SCN4A: variants seen among roughly 807,000 people sequenced by gnomAD.
SCN4A encodes the protein sodium channel protein type 4 subunit alpha.
In SCN4A, 83 loss-of-function variants were observed where a neutral mutation model predicts 162.0. That is an observed-to-expected ratio of 0.51 (90% CI 0.43 to 0.61). The LOEUF (loss-of-function observed/expected upper bound fraction) is 0.61, where lower values mean the gene tolerates loss of function less well. Among genes scored for constraint, SCN4A ranks in the 20% least tolerant of loss-of-function variants. SCN4A has a pLI of 0.00. For missense variants in SCN4A, 2,196 were observed against 2,462.5 expected, an observed-to-expected ratio of 0.89 and a Z score of 2.29; for synonymous variants, 944 against 985.1, an observed-to-expected ratio of 0.96 and a Z score of 0.78.
intron 15 of SCN4A, 53 bp from the exon 16 acceptor site, chr17:63,948,818 G>A: frequency 6.6e-7 from 1 of 1,510,292 alleles, no homozygotes; most frequent in Non-Finnish European, 8.9e-7. Flanking sequence ...GCCTGGGGTT[G>A]CCTTGGGGTG....
rs891299605 is a variant in SCN4A at position 63,950,621 on chromosome 17, T to C, written c.2853+803A>G. Reference sequence around the variant, plus strand: ...CAAAAGCTTTCAGGGCAAAGTTCATTAGGCTCAGGCTGATGGTGCAGGGGT... The same window carrying C: ...CAAAAGCTTTCAGGGCAAAGTTCATCAGGCTCAGGCTGATGGTGCAGGGGT... On this transcript the variant is annotated intron_variant, in intron 14 of 23. Transcript: ENST00000435607. The surrounding 1 kb of genome is among the most constrained non-coding windows in gnomAD (Gnocchi z 4.6). Among the ~76,000 whole-genome samples, 2 of 152,180 alleles carry C rather than the reference T, an allele frequency of 1.3e-5. No homozygotes were observed. Among genetic ancestry groups the C allele is most frequent in the African/African-American group, 4.8e-5 (2 of 41,442 alleles).
chr17:63,950,487 C>T lies in SCN4A; in HGVS notation c.2853+937G>A, dbSNP rs1013299730. 1.3e-5 allele frequency among the ~76,000 whole-genome samples: 2 copies of T among 152,218 alleles called. No homozygotes were observed. Among genetic ancestry groups the T allele is most frequent in the Non-Finnish European group, 2.9e-5 (2 of 68,030 alleles). On this transcript the variant is annotated intron_variant, in intron 14 of 23. Transcript: ENST00000435607. This position sits in a 1 kb window ranked among gnomAD's most constrained non-coding sequence, Gnocchi z 4.6. ...GGACTTTGGTGCTCTCCAGCTCCCC[C>T]GCCACCTGAGTGCCTCATACCGAGG...
chr17:63,959,076 A>G (rs1326941066), intron 12 of SCN4A, among the ~76,000 whole-genome samples, 189 bp downstream of exon 12: 1 of 152,158 alleles, frequency 6.6e-6, no homozygotes, highest in Non-Finnish European at 1.5e-5. Flanking sequence ...GAAAGAAGAC[A>G]GGGCTCTCCT....
chr17:63,968,129 CTCATTGCCATACCATGTG>C lies in SCN4A; in HGVS notation c.912_929del (p.Asp304_Asn309del), dbSNP rs1597985318. 6.2e-6 allele frequency: 10 copies of C among 1,613,854 alleles called. No homozygotes were observed. The highest frequency in any genetic ancestry group is 8.5e-6 in the Non-Finnish European group (10 of 1,179,852). Reference sequence around the variant, plus strand: ...ACCATGAGTCATTGCCGTACCACATCTCATTGCCATACCATGTGTCATTGCCGTACCACGTGTCATTGC... The same window carrying C: ...ACCATGAGTCATTGCCGTACCACATCTCATTGCCGTACCACGTGTCATTGC... On this transcript the variant is annotated inframe_deletion, in exon 6 of 24. Transcript: ENST00000435607.
At chr17:63,947,009 T>TACCC in intron 18 of SCN4A, 36 bp downstream of exon 18, 138 of 715,902 alleles carry the variant, frequency 1.9e-4, no homozygotes, top group East Asian at 2.9e-4. Flanking sequence ...CGGTCCCCCA[T>TACCC]CCCCAGCCCA....
chr17:63,972,236 G>A lies in SCN4A; in HGVS notation c.393-11C>T. 6.2e-7 allele frequency: 1 copy of A among 1,611,842 alleles called. No individual in the cohort carries two copies. The highest frequency in any genetic ancestry group is 1.1e-5 in the South Asian group (1 of 90,736). On this transcript the variant is annotated splice_polypyrimidine_tract_variant and intron_variant, in intron 2 of 23. Transcript: ENST00000435607. This position sits in a 1 kb window ranked among gnomAD's most constrained non-coding sequence, Gnocchi z 4.3. ...AACATGCTGAACAGCGTGGGGCAGG[G>A]TCAAGGAAAGTGAGGAAGCAGCTAG...
Position 63,945,539 on chromosome 17 carries a change from G to T in SCN4A, c.3541C>A (p.Leu1181Met), listed in dbSNP as rs754132016. Residue 1181 changes from leucine to methionine, a missense_variant, in exon 19 of 24, where the codon CTG becomes ATG. Leu to Met is a conservative substitution (Grantham distance 15). Coordinates refer to ENST00000435607, the MANE Select transcript of SCN4A (RefSeq NM_000334.4). This position sits in a 1 kb window ranked among gnomAD's most constrained non-coding sequence, Gnocchi z 4.4. ...WLIFSIMGVN[L>M]FAGKFYYCIN... The stretch of plus-strand genomic sequence containing the variant: ...CAGTAGTAGAACTTGCCGGCAAACA[G>T]GTTGACACCCATGATGCTGAAGATC... 1.9e-6 allele frequency: 3 copies of T among 1,613,996 alleles called. No individual in the cohort carries two copies. The South Asian group carries it at 3.3e-5, about 18-fold the overall frequency.
chr17:63,949,462 C>G lies in SCN4A; in HGVS notation c.2920G>C (p.Glu974Gln). The change falls in exon 15 of 24, where the codon GAG becomes CAG. Residue 974 changes from glutamate to glutamine, a missense_variant. Coordinates refer to ENST00000435607, the MANE Select transcript of SCN4A (RefSeq NM_000334.4). ...TCTGCCTGCTCCTCAGGGTCCTCCT[C>G]GGGGGGCTTGTAGTCAGCTGTGCTG... ...VCSTADYKPPEEDPEEQAEEN... is the reference protein window; with the variant it reads ...VCSTADYKPPQEDPEEQAEEN... 1 of 1,611,202 alleles carries G rather than the reference C, an allele frequency of 6.2e-7. No homozygotes were observed. Among genetic ancestry groups the G allele is most frequent in the Non-Finnish European group, 8.5e-7 (1 of 1,178,642 alleles).
Position 63,941,749 on chromosome 17 carries a change from C to G in SCN4A, c.4533G>C (p.Ser1511=), listed in dbSNP as rs775872192. The part of the protein sequence containing the change: ...MSNFAYVKKE[S]GIDDMFNFET... ...CGAAGTTGAACATATCATCGATGCC[C>G]GACTCCTTCTTGACGTAGGCAAAGT... The change falls in exon 24 of 24, where the codon TCG becomes TCC. Residue 1511 remains serine, a synonymous_variant. Coordinates refer to ENST00000435607, the MANE Select transcript of SCN4A (RefSeq NM_000334.4). The surrounding 1 kb of genome is among the most constrained non-coding windows in gnomAD (Gnocchi z 6.2). The G allele has an allele frequency of 6.2e-7, 1 of 1,614,038 alleles. No individual in the cohort carries two copies. Among genetic ancestry groups the G allele is most frequent in the Admixed American group, 1.7e-5 (1 of 60,000 alleles).
At position 63,957,119 on chromosome 17, in the gene SCN4A, C is replaced by T. The variant is rs60037396; in HGVS notation, c.2376+43G>A. The T allele has an allele frequency of 0.029, 38,827 of 1,351,470 alleles. 2,198 individuals are homozygous for T. Among genetic ancestry groups the T allele is most frequent in the African/African-American group, 0.23 (16,008 of 69,206 alleles). 83.7% of individuals were successfully genotyped at this position (1,351,470 alleles called of 1,614,324 possible). A position where few individuals can be genotyped will look rare whatever the true frequency, so the allele number is the denominator to read the frequency against. ...TCAAATATCAGGTACATCTTGTACG[C>T]TTCCCGGGTGAGGGCAGGGGCCACC... On this transcript the variant is annotated intron_variant, in intron 13 of 23. Transcript: ENST00000435607.
At position 63,952,349 on chromosome 17, in the gene SCN4A, G is replaced by T. The variant is rs1016103726; in HGVS notation, c.2377-449C>A. ...TAATCTTTGTATTTTTTGTAGAGACGGGGTTTCAACATGTTGCCCAGGCTG... is the reference window on the plus strand; with the variant it reads ...TAATCTTTGTATTTTTTGTAGAGACTGGGTTTCAACATGTTGCCCAGGCTG... On this transcript the variant is annotated intron_variant, in intron 13 of 23. Coordinates refer to ENST00000435607, the MANE Select transcript of SCN4A (RefSeq NM_000334.4). Among the ~76,000 whole-genome samples, 3 of 151,936 alleles carry T rather than the reference G, an allele frequency of 2.0e-5. No individual in the cohort carries two copies. In the East Asian group the frequency reaches 5.8e-4, roughly 29 times the overall value.
In SCN4A at chr17:63,949,681, T is replaced by C. The variant is rs114603084; in HGVS notation, c.2854-153A>G. The C allele has an allele frequency of 6.2e-3, 5,519 of 890,250 alleles. 205 individuals are homozygous for C. The African/African-American group carries it at 0.08, about 13-fold the overall frequency. The allele number at this position is 890,250 out of a possible 1,614,324, so 55.1% of individuals were successfully genotyped here. ...CATTCATTCATCCAGCCCTGGATGG[T>C]CGAGGAACCACGGGGACGTAGGTGG... is the stretch of plus-strand genomic sequence containing the variant. On this transcript the variant is annotated intron_variant, in intron 14 of 23. Coordinates refer to ENST00000435607, the MANE Select transcript of SCN4A (RefSeq NM_000334.4).
In SCN4A at chr17:63,939,369, C is replaced by A. The variant is rs1908447820; in HGVS notation, c.*1402G>T. The A allele has an allele frequency of 1.3e-5, 2 of 152,212 alleles. No individual in the cohort carries two copies. The highest frequency in any genetic ancestry group is 4.1e-4 in the South Asian group (2 of 4,838). The allele number at this position is 152,212 out of a possible 1,614,324, so 9.4% of individuals were successfully genotyped here. On this transcript the variant is annotated 3_prime_UTR_variant, in exon 24 of 24. Coordinates refer to ENST00000435607, the MANE Select transcript of SCN4A (RefSeq NM_000334.4). ...ATGGACCTTGAAACAGTCCAGGGCA[C>A]ACATATATACACATATATACAAAGA...
rs774183791 is a variant in SCN4A, at chr17:63,941,333, G to A, written c.4949C>T (p.Pro1650Leu). Residue 1650 changes from proline (P) to leucine (L), a missense_variant, in exon 24 of 24, where the codon CCG becomes CTG. By Grantham distance (98) the Pro-to-Leu change is moderately conservative. Coordinates refer to ENST00000435607, the MANE Select transcript of SCN4A (RefSeq NM_000334.4). This position sits in a 1 kb window ranked among gnomAD's most constrained non-coding sequence, Gnocchi z 6.2. Reference protein sequence around the residue: ...LSDFVDTLQEPLRIAKPNKIK... With the variant: ...LSDFVDTLQELLRIAKPNKIK... The stretch of plus-strand genomic sequence containing the variant: ...CTTGTTGGGCTTGGCAATCCTCAGC[G>A]GTTCCTGCAGGGTGTCCACGAAGTC... 13 of 1,613,774 alleles carry A rather than the reference G, an allele frequency of 8.1e-6. No individual in the cohort carries two copies. The highest frequency in any genetic ancestry group is 6.7e-5 in the Admixed American group (4 of 59,994).
intron 23 of SCN4A, among the ~76,000 whole-genome samples, chr17:63,942,471 A>AG (rs1413803684): frequency 3.3e-5 from 5 of 152,236 alleles, no homozygotes; most frequent in Admixed American, 2.0e-4. Flanking sequence ...AGCGCACAGC[A>AG]CAGTTGATAA....
intron 17 of SCN4A, among the ~76,000 whole-genome samples, 177 bp downstream of exon 17, chr17:63,947,713 T>C (rs1908769879): frequency 6.6e-6 from 1 of 152,178 alleles, no homozygotes; most frequent in African/African-American, 2.4e-5. Flanking sequence ...AGGGAAGGCC[T>C]CCCAGTCCCT....
chr17:63,966,238 C>A lies in SCN4A; in HGVS notation c.1106G>T (p.Cys369Phe). The A allele has an allele frequency of 6.2e-7, 1 of 1,604,082 alleles. No homozygotes were observed. The highest frequency in any genetic ancestry group is 1.1e-5 in the South Asian group (1 of 88,848). Residue 369 changes from cysteine (C) to phenylalanine (F), a missense_variant, in exon 8 of 24, where the codon TGC (cysteine) becomes TTC (phenylalanine). Physicochemically the swap from Cys to Phe is radical, Grantham distance 205 (BLOSUM62 -2). Coordinates refer to ENST00000435607, the MANE Select transcript of SCN4A (RefSeq NM_000334.4). The stretch of plus-strand genomic sequence containing the variant: ...CTTGATGCACTCATAACCCTCAGGG[C>A]AGTGCCTAGGAATAGGACAGGGGGC... ...LCGNSSDAGH[C>F]PEGYECIKTG...
At position 63,941,090 on chromosome 17, in the gene SCN4A, G is replaced by T. The variant is rs944490990; in HGVS notation, c.5192C>A (p.Ala1731Asp). 6.2e-7 allele frequency: 1 copy of T among 1,613,878 alleles called. No homozygotes were observed. The change falls in exon 24 of 24, where the codon GCC becomes GAC. Residue 1731 changes from alanine (A) to aspartate (D), a missense_variant. Ala to Asp is a moderately radical substitution (Grantham distance 126). Transcript: ENST00000435607. The surrounding 1 kb of genome is among the most constrained non-coding windows in gnomAD (Gnocchi z 6.2). The stretch of plus-strand genomic sequence containing the variant: ...GCGGTAGGCCCTCTGGATCTTGATG[G>T]CGCACACCTCCTCGTGCTTCCTCTT... ...TLKRKHEEVCAIKIQRAYRRH... is the reference protein window; with the variant it reads ...TLKRKHEEVCDIKIQRAYRRH...
chr17:63,944,369 TG>T lies in SCN4A; in HGVS notation c.3912+303del, dbSNP rs1290872567. ...CAGGGTTTTACCACGTTAGCCAGGG[TG>T]GTCTCGAACTCCTGACCTTGTGATC... is the stretch of plus-strand genomic sequence containing the variant. On this transcript the variant is annotated intron_variant, in intron 21 of 23. Coordinates refer to ENST00000435607, the MANE Select transcript of SCN4A (RefSeq NM_000334.4). The surrounding 1 kb of genome is among the most constrained non-coding windows in gnomAD (Gnocchi z 4.3). 3.3e-5 allele frequency among the ~76,000 whole-genome samples: 5 copies of T among 152,090 alleles called. No homozygotes were observed. Among genetic ancestry groups the T allele is most frequent in the African/African-American group, 9.7e-5 (4 of 41,404 alleles).
Sources: allele counts gnomAD v4.1 joint callset (sites outside exome capture counted in the v4.1 genomes callset), GRCh38; gene constraint gnomAD v4.1.1; non-coding constraint Gnocchi (gnomAD v3.1); transcripts MANE v1.5; gene names NCBI Gene and HGNC (gene_info 2026-07-23, HGNC 2026-07-21).